The following DOCK5 variants were observed in gnomAD, a reference collection of about 807,000 sequenced individuals.
The protein encoded by DOCK5 is dedicator of cytokinesis 5, also known as dedicator of cytokinesis protein 5.
Under a neutral mutation model 251.8 loss-of-function variants are expected in DOCK5, and 142 were observed. The ratio of observed to expected loss-of-function variants is 0.56; its 90% CI spans 0.49 to 0.65. The LOEUF is 0.65. Among genes scored for constraint, DOCK5 ranks in the 30% least tolerant of loss-of-function variants. The pLI is 0.00. For missense variants in DOCK5, 2,111 were observed against 2,312.3 expected (o/e 0.91, Z 1.79); for synonymous variants, 842 against 835.5 (o/e 1.01, Z -0.13).
chr8:25,306,437 A>G (rs956418594), intron 11 of DOCK5, among the ~76,000 whole-genome samples: 1 of 152,132 alleles, frequency 6.6e-6, no homozygotes, highest in Non-Finnish European at 1.5e-5. Flanking sequence ...CCGGGCGCAT[A>G]GGCTTACGCC....
At chr8:25,190,779 T>TTTTTTTTTTTTG (rs1388775126) in intron 1 of DOCK5, among the ~76,000 whole-genome samples, 1 of 92,968 alleles carries the variant, frequency 1.1e-5, no homozygotes, top group Non-Finnish European at 2.4e-5. Flanking sequence ...GTCATGGGTT[T>TTTTTTTTTTTTG]TTTTTTTTTT....
At chr8:25,187,488 C>G (rs1027383651) in intron 1 of DOCK5, among the ~76,000 whole-genome samples, 1 of 151,478 alleles carries the variant, frequency 6.6e-6, no homozygotes, top group African/African-American at 2.4e-5. Context: ...GACATAGATT[C>G]TGGTTTGTCT....
At chr8:25,386,035 G>A (rs1801159273) in intron 40 of DOCK5, among the ~76,000 whole-genome samples, 1 of 152,182 alleles carries the variant, frequency 6.6e-6, no homozygotes, top group South Asian at 2.1e-4. Context: ...GGAGAATGGG[G>A]CAGGTGGCTG....
chr8:25,375,778 A>G, intron 37 of DOCK5: 1 of 985,428 alleles, frequency 1.0e-6, no homozygotes, highest in Non-Finnish European at 1.2e-6. Flanking sequence ...CACAATTCAT[A>G]TTTAAGTTTA....
chr8:25,331,600 TG>T (rs1248293228), intron 18 of DOCK5, among the ~76,000 whole-genome samples: 1 of 152,100 alleles, frequency 6.6e-6, no homozygotes, highest in African/African-American at 2.4e-5. Flanking sequence ...CAAAGAACTC[TG>T]GGGAAAACAG....
At chr8:25,189,675 G>C (rs1801526376) in intron 1 of DOCK5, among the ~76,000 whole-genome samples, 1 of 151,496 alleles carries the variant, frequency 6.6e-6, no homozygotes, top group Admixed American at 6.6e-5. Flanking sequence ...TCTTTGAAAA[G>C]TAGCTCATTG....
intron 39 of DOCK5, 22 bp downstream of exon 39, chr8:25,380,416 T>C: frequency 6.3e-7 from 1 of 1,582,426 alleles, no homozygotes; most frequent in Non-Finnish European, 8.6e-7. Context: ...TCAAAATATG[T>C]TAGGCCTCTG....
rs118168783 is a variant in DOCK5 at position 25,270,355 on chromosome 8, A to G, written c.168+1470A>G. On this transcript the variant is annotated intron_variant, in intron 3 of 51. Coordinates refer to ENST00000276440, the MANE Select transcript of DOCK5 (RefSeq NM_024940.8). ...CTAAAGTGAAAGCTTTTCTTCTGGG[A>G]TCCTCAGTGACACAGAGTACTTGAT... Among the ~76,000 whole-genome samples the G allele has an allele frequency of 6.9e-3, 1,049 of 152,288 alleles. 7 individuals are homozygous for G. The highest frequency in any genetic ancestry group is 0.011 in the Non-Finnish European group (758 of 68,024).
rs899131550 is a variant in DOCK5 at position 25,243,702 on chromosome 8, T to C, written c.72T>C (p.Asp24=). The part of the protein sequence containing the change: ...VAIYNYNASQ[D]VELSLQIGDT... ...TCTATAACTACAATGCTTCTCAAGA[T>C]GTGGAGCTCTCCTTGCAGATCGGTG... The change falls in exon 2 of 52, where the codon GAT becomes GAC. Residue 24 remains aspartate (D), a synonymous_variant. Transcript: ENST00000276440. 1.2e-6 allele frequency: 2 copies of C among 1,613,722 alleles called. No homozygotes were observed. The highest frequency in any genetic ancestry group is 1.7e-5 in the Admixed American group (1 of 59,988).
rs1420999617 is a variant in DOCK5, at chr8:25,214,764, G to A, written c.44-28910G>A. Reference sequence around the variant, plus strand: ...CACAAACCACGCACTTTATCATTGCGAAAGGGGACAGAGAGGATCAGGATG... The same window carrying A: ...CACAAACCACGCACTTTATCATTGCAAAAGGGGACAGAGAGGATCAGGATG... On this transcript the variant is annotated intron_variant, in intron 1 of 51. Coordinates refer to ENST00000276440, the MANE Select transcript of DOCK5 (RefSeq NM_024940.8). 2.0e-5 allele frequency among the ~76,000 whole-genome samples: 3 copies of A among 152,154 alleles called. No individual in the cohort carries two copies. The East Asian group carries it at 5.8e-4, about 29-fold the overall frequency.
chr8:25,338,759 T>G (rs977959988), intron 22 of DOCK5, among the ~76,000 whole-genome samples: 2 of 152,366 alleles, frequency 1.3e-5, no homozygotes, highest in Admixed American at 1.3e-4. Flanking sequence ...AGTTTGTATG[T>G]ATAGTAAACC....
Position 25,213,985 on chromosome 8 carries a change from G to T in DOCK5, c.43+29034G>T, listed in dbSNP as rs552911724. On this transcript the variant is annotated intron_variant, in intron 1 of 51. Transcript: ENST00000276440. The stretch of plus-strand genomic sequence containing the variant: ...TACATACTGAGACATCTTGGGGATG[G>T]GACCCAAGTCTAAACACAAAATTCA... Among the ~76,000 whole-genome samples the T allele has an allele frequency of 2.0e-5, 3 of 152,226 alleles. No homozygotes were observed. In the East Asian group the frequency reaches 5.8e-4, roughly 29 times the overall value.
At chr8:25,225,278 G>C (rs1007626014) in intron 1 of DOCK5, among the ~76,000 whole-genome samples, 1 of 152,188 alleles carries the variant, frequency 6.6e-6, no homozygotes, top group African/African-American at 2.4e-5. Context: ...GCAGGGTCTG[G>C]AGGAGATATT....
intron 1 of DOCK5, among the ~76,000 whole-genome samples, chr8:25,194,519 T>G (rs11998542): frequency 0.74 from 112,340 of 151,838 alleles, 42,603 homozygotes; most frequent in Non-Finnish European, 0.81. Context: ...CTGGCTTTTG[T>G]GTCTCCTTTA....
At chr8:25,318,003 GGA>G (rs1340845562) in intron 14 of DOCK5, among the ~76,000 whole-genome samples, 2 of 152,168 alleles carry the variant, frequency 1.3e-5, no homozygotes, top group African/African-American at 4.8e-5. Flanking sequence ...GGCAGAGCTG[GGA>G]GGGTATCTAA....
At chr8:25,233,768 GTTTTA>G (rs1802729199) in intron 1 of DOCK5, among the ~76,000 whole-genome samples, 1 of 128,836 alleles carries the variant, frequency 7.8e-6, no homozygotes, top group Non-Finnish European at 1.5e-5. Context: ...AAAAAATTTT[GTTTTA>G]TTTTTAATTT....
intron 11 of DOCK5, 166 bp from the exon 12 acceptor site, chr8:25,308,617 A>G (rs1241085422): frequency 2.5e-6 from 2 of 810,958 alleles, no homozygotes; most frequent in Admixed American, 3.1e-5. Flanking sequence ...TGAATTTAGT[A>G]TTTAAGATGA....
chr8:25,357,098 A>G (rs1216370392), intron 27 of DOCK5, among the ~76,000 whole-genome samples: 1 of 151,786 alleles, frequency 6.6e-6, no homozygotes, highest in Non-Finnish European at 1.5e-5. Context: ...AAACAGCAAC[A>G]TGAGAAAGCT....
rs1032875129 is a variant in DOCK5, at chr8:25,379,672, G to T, written c.3937-633G>T. 5.3e-5 allele frequency among the ~76,000 whole-genome samples: 8 copies of T among 152,234 alleles called. No homozygotes were observed. In the East Asian group the frequency reaches 1.2e-3, roughly 22 times the overall value. On this transcript the variant is annotated intron_variant, in intron 38 of 51. Transcript: ENST00000276440. Reference sequence around the variant, plus strand: ...ATTAAGAGATTAAAGTAAGACAGGCGTAAGAAATTATAAAAGTATTATTTG... The same window carrying T: ...ATTAAGAGATTAAAGTAAGACAGGCTTAAGAAATTATAAAAGTATTATTTG...
Sources: allele counts gnomAD v4.1 joint callset (sites outside exome capture counted in the v4.1 genomes callset), GRCh38; gene constraint gnomAD v4.1.1; transcripts MANE v1.5; gene names NCBI Gene and HGNC (gene_info 2026-07-23, HGNC 2026-07-21).